Variants in KPNA1 observed in about 807,000 individuals in gnomAD.
KPNA1 encodes the protein importin subunit alpha-5.
Under a neutral mutation model 70.5 loss-of-function variants are expected in KPNA1, and 10 were observed. That is an observed-to-expected ratio of 0.14 (90% CI 0.09 to 0.24). The LOEUF (loss-of-function observed/expected upper bound fraction) is 0.24, where lower values mean the gene tolerates loss of function less well. KPNA1 is among the 10% of genes least tolerant of loss of function. KPNA1 has a pLI of 1.00. For missense variants in KPNA1, 397 were observed against 637.9 expected (o/e 0.62, Z 4.07); for synonymous variants, 192 against 221.9 (o/e 0.87, Z 1.20).
At chr3:122,471,719 T>C (rs565411788) in intron 2 of KPNA1, among the ~76,000 whole-genome samples, 1 of 151,928 alleles carries the variant, frequency 6.6e-6, no homozygotes, top group East Asian at 2.0e-4. Flanking sequence ...GTACATGTCT[T>C]GGGAGACAGA....
At chr3:122,498,962 T>C (rs1378577791) in intron 1 of KPNA1, among the ~76,000 whole-genome samples, 1 of 152,234 alleles carries the variant, frequency 6.6e-6, no homozygotes, top group Non-Finnish European at 1.5e-5. Context: ...TTTGTTAAAT[T>C]CATTCCTAAG....
At chr3:122,476,180 A>G (rs2076495789) in intron 2 of KPNA1, among the ~76,000 whole-genome samples, 1 of 152,222 alleles carries the variant, frequency 6.6e-6, no homozygotes, top group African/African-American at 2.4e-5. Flanking sequence ...CCAAGAACAC[A>G]CAATAGGGGA....
At position 122,427,721 on chromosome 3, in the gene KPNA1, A is replaced by G. The variant is rs367980953; in HGVS notation, c.1251-5T>C. 3.9e-6 allele frequency: 6 copies of G among 1,555,882 alleles called. No homozygotes were observed. In the African/African-American group the frequency reaches 8.2e-5, roughly 21 times the overall value. On this transcript the variant is annotated splice_region_variant and splice_polypyrimidine_tract_variant and intron_variant, in intron 12 of 13. Coordinates refer to ENST00000344337, the MANE Select transcript of KPNA1 (RefSeq NM_002264.4). ...CAACCCAGTTCTACTAGGTACCTAA[A>G]TACAAAGAATAATGTAGTCAAACAA...
chr3:122,429,208 C>T lies in KPNA1; in HGVS notation c.1251-1492G>A, dbSNP rs543771446. ...GCTCAAGCCTGTAATCCCAACTCTT[C>T]GGGAGGCCAACGCGGGTGGATCACC... is the stretch of plus-strand genomic sequence containing the variant. On this transcript the variant is annotated intron_variant, in intron 12 of 13. Coordinates refer to ENST00000344337, the MANE Select transcript of KPNA1 (RefSeq NM_002264.4). Among the ~76,000 whole-genome samples, 5 of 152,106 alleles carry T rather than the reference C, an allele frequency of 3.3e-5. No individual in the cohort carries two copies. The East Asian group carries it at 9.7e-4, about 29-fold the overall frequency.
intron 12 of KPNA1, among the ~76,000 whole-genome samples, chr3:122,429,972 C>T (rs953744262): frequency 6.6e-6 from 1 of 151,884 alleles, no homozygotes; most frequent in Non-Finnish European, 1.5e-5. Flanking sequence ...TCATGTATGT[C>T]TGACTGAGTT....
At position 122,514,868 on chromosome 3, in the gene KPNA1, T is replaced by G. The variant is rs557779253; in HGVS notation, c.-117A>C. 1 of 152,460 alleles carries G rather than the reference T, an allele frequency of 6.6e-6. No individual in the cohort carries two copies. The highest frequency in any genetic ancestry group is 1.5e-5 in the Non-Finnish European group (1 of 68,162). The allele number at this position is 152,460 out of a possible 1,614,324, so 9.4% of individuals were successfully genotyped here. On this transcript the variant is annotated 5_prime_UTR_variant, in exon 1 of 14. Transcript: ENST00000344337. Reference sequence around the variant, plus strand: ...GAAGAGCTGGCCCGCGCCTCGGCGGTGCTCACCAGGCCTCGCTCTCCGCCG... The same window carrying G: ...GAAGAGCTGGCCCGCGCCTCGGCGGGGCTCACCAGGCCTCGCTCTCCGCCG...
chr3:122,457,595 A>T (rs1394883201), intron 5 of KPNA1: 1 of 755,322 alleles, frequency 1.3e-6, no homozygotes, highest in Non-Finnish European at 1.8e-6. Context: ...GAACTCACTA[A>T]ATAAGGCTAC....
chr3:122,504,482 T>G (rs1467564104), intron 1 of KPNA1, among the ~76,000 whole-genome samples: 3 of 152,286 alleles, frequency 2.0e-5, no homozygotes, highest in African/African-American at 7.2e-5. Flanking sequence ...AAACATTCAG[T>G]CTACAGCATT....
At chr3:122,430,439 C>A (rs949476030) in intron 12 of KPNA1, among the ~76,000 whole-genome samples, 3 of 151,500 alleles carry the variant, frequency 2.0e-5, no homozygotes, top group Non-Finnish European at 4.4e-5. Context: ...TTGATATATA[C>A]AATGTTTCTC....
At chr3:122,504,070 C>G (rs1414449475) in intron 1 of KPNA1, among the ~76,000 whole-genome samples, 2 of 152,182 alleles carry the variant, frequency 1.3e-5, no homozygotes, top group African/African-American at 4.8e-5. Flanking sequence ...ATGTACAACA[C>G]TAAGAATGAA....
chr3:122,486,646 G>A (rs933617354), intron 2 of KPNA1, among the ~76,000 whole-genome samples: 4 of 151,616 alleles, frequency 2.6e-5, no homozygotes, highest in Non-Finnish European at 4.4e-5. Flanking sequence ...GGAGTGCAGT[G>A]GCGCGATCTC....
At chr3:122,453,225 G>A (rs957371154) in intron 6 of KPNA1, among the ~76,000 whole-genome samples, 4 of 152,084 alleles carry the variant, frequency 2.6e-5, no homozygotes, top group African/African-American at 9.7e-5. Context: ...ATTACAGGCA[G>A]GAACCACAGC....
intron 6 of KPNA1, among the ~76,000 whole-genome samples, chr3:122,452,666 CAAGAGAAGGAGGG>C: frequency 2.0e-5 from 1 of 49,670 alleles, no homozygotes; most frequent in Non-Finnish European, 3.7e-5. Flanking sequence ...AGGGAGGAAG[CAAGAGAAGGAGGG>C]AAGGAGGGAG....
At chr3:122,492,464 A>G (rs1269802769) in intron 2 of KPNA1, among the ~76,000 whole-genome samples, 2 of 151,252 alleles carry the variant, frequency 1.3e-5, no homozygotes, top group Non-Finnish European at 3.0e-5. Context: ...CAGCCATTTG[A>G]AAAAGGAAAT....
chr3:122,426,831 G>A lies in KPNA1; in HGVS notation c.*154C>T, dbSNP rs889190688. 3.4e-6 allele frequency: 2 copies of A among 595,798 alleles called. No individual in the cohort carries two copies. Among genetic ancestry groups the A allele is most frequent in the Non-Finnish European group, 5.9e-6 (2 of 341,570 alleles). 36.9% of individuals were successfully genotyped at this position (595,798 alleles called of 1,614,324 possible). A position where few individuals can be genotyped will look rare whatever the true frequency, so the allele number is the denominator to read the frequency against. ...AGAGAGCCGGAGGTTTTCCAGATGT[G>A]TGTAAGAGAGCAGGTGCGCAAGGCA... is the stretch of plus-strand genomic sequence containing the variant. On this transcript the variant is annotated 3_prime_UTR_variant, in exon 14 of 14. Transcript: ENST00000344337.
At chr3:122,490,109 A>C (rs1469360139) in intron 2 of KPNA1, among the ~76,000 whole-genome samples, 1 of 152,252 alleles carries the variant, frequency 6.6e-6, no homozygotes, top group Non-Finnish European at 1.5e-5. Flanking sequence ...TTCCTCAAAC[A>C]CATGTGCTAA....
chr3:122,448,584 G>T (rs1428354493), intron 9 of KPNA1, among the ~76,000 whole-genome samples: 2 of 152,032 alleles, frequency 1.3e-5, no homozygotes, highest in Non-Finnish European at 2.9e-5. Context: ...CACACACTGG[G>T]GCCTGTCGTG....
chr3:122,452,016 C>G lies in KPNA1; in HGVS notation c.613G>C (p.Asp205His), dbSNP rs748761403. The G allele has an allele frequency of 6.2e-7, 1 of 1,611,170 alleles. No individual in the cohort carries two copies. The highest frequency in any genetic ancestry group is 8.5e-7 in the Non-Finnish European group (1 of 1,178,456). The change falls in exon 7 of 14, where the codon GAC becomes CAC. Residue 205 changes from aspartate to histidine, a missense_variant. Transcript: ENST00000344337. Reference sequence around the variant, plus strand: ...AGGATATTGCAGTCTAAGACATAGTCCCTGCACATGGTACTATCTCCAGCA... The same window carrying G: ...AGGATATTGCAGTCTAAGACATAGTGCCTGCACATGGTACTATCTCCAGCA... Reference protein sequence around the residue: ...NIAGDSTMCRDYVLDCNILPP... With the variant: ...NIAGDSTMCRHYVLDCNILPP...
At chr3:122,513,274 G>A (rs896638263) in intron 1 of KPNA1, among the ~76,000 whole-genome samples, 1 of 152,122 alleles carries the variant, frequency 6.6e-6, no homozygotes, top group Non-Finnish European at 1.5e-5. Context: ...TTTAATATAT[G>A]TAAAGCATTT....
Sources: allele counts gnomAD v4.1 joint callset (sites outside exome capture counted in the v4.1 genomes callset), GRCh38; gene constraint gnomAD v4.1.1; transcripts MANE v1.5; gene names NCBI Gene and HGNC (gene_info 2026-07-23, HGNC 2026-07-21).